The following STAT4 variants were observed in gnomAD, a reference collection of about 807,000 sequenced individuals.
The protein encoded by STAT4 is signal transducer and activator of transcription 4.
Under a neutral mutation model 110.5 loss-of-function variants are expected in STAT4, and 42 were observed. The observed-to-expected ratio is 0.38, with a 90% confidence interval of 0.30 to 0.49. STAT4 has a LOEUF of 0.49. STAT4 is among the 20% of genes least tolerant of loss of function. The probability of loss-of-function intolerance (pLI) is 0.95; values close to 1 mark genes in which losing one functional copy is unlikely to be tolerated. For synonymous variants in STAT4, 284 were observed against 302.2 expected, an observed-to-expected ratio of 0.94 and a Z score of 0.63; for missense variants, 632 against 887.9, an observed-to-expected ratio of 0.71 and a Z score of 3.66.
chr2:191,127,884 A>G (rs1203986214), intron 3 of STAT4, among the ~76,000 whole-genome samples: 6 of 152,236 alleles, frequency 3.9e-5, no homozygotes, highest in African/African-American at 9.6e-5. Flanking sequence ...AGGAAGATCA[A>G]CCTAGGATAA....
chr2:191,092,804 G>T (rs922491937), intron 3 of STAT4, among the ~76,000 whole-genome samples: 1 of 152,198 alleles, frequency 6.6e-6, no homozygotes, highest in Admixed American at 6.5e-5. Flanking sequence ...AAGGGAAGCT[G>T]TGACAGACTG....
In STAT4 at chr2:191,053,169, A is replaced by G. The variant is rs574175317; in HGVS notation, c.1251+1321T>C. Among the ~76,000 whole-genome samples the G allele has an allele frequency of 6.6e-6, 1 of 152,300 alleles. No homozygotes were observed. Among genetic ancestry groups the G allele is most frequent in the Non-Finnish European group, 1.5e-5 (1 of 68,024 alleles). On this transcript the variant is annotated intron_variant, in intron 14 of 23. Coordinates refer to ENST00000392320, the MANE Select transcript of STAT4 (RefSeq NM_003151.4). This position sits in a 1 kb window ranked among gnomAD's most constrained non-coding sequence, Gnocchi z 4.5. Reference sequence around the variant, plus strand: ...TTATAAAGTGCTTTTCCTCCAAACAATTCAAAGATCTTTTTCATGGGAGCT... The same window carrying G: ...TTATAAAGTGCTTTTCCTCCAAACAGTTCAAAGATCTTTTTCATGGGAGCT...
chr2:191,111,484 A>T (rs530310826), intron 3 of STAT4, among the ~76,000 whole-genome samples: 31 of 152,354 alleles, frequency 2.0e-4, no homozygotes, highest in Admixed American at 4.6e-4. Context: ...AACAAACAGA[A>T]ATGAACACTT....
At chr2:191,048,788 CAAAAAAAAAAAAA>C (rs60267174) in intron 14 of STAT4, among the ~76,000 whole-genome samples, 4 of 48,794 alleles carry the variant, frequency 8.2e-5, no homozygotes, top group African/African-American at 1.0e-4. Context: ...AACTCCATCT[CAAAAAAAAAAAAA>C]AAAAAAAAAA....
chr2:191,076,446 G>A, intron 3 of STAT4, 121 bp from the exon 4 acceptor site: 1 of 734,960 alleles, frequency 1.4e-6, no homozygotes, highest in Non-Finnish European at 2.2e-6. Flanking sequence ...AATTACTTGG[G>A]ATTTGTTCCA....
At chr2:191,092,516 A>G (rs1697827884) in intron 3 of STAT4, among the ~76,000 whole-genome samples, 1 of 150,088 alleles carries the variant, frequency 6.7e-6, no homozygotes, top group South Asian at 2.1e-4. Context: ...CTACAGTTAA[A>G]AAAAAAAAAA....
rs1169416228 is a variant in STAT4 at position 191,107,199 on chromosome 2, T to C, written c.274-30874A>G. On this transcript the variant is annotated intron_variant, in intron 3 of 23. Transcript: ENST00000392320. This position sits in a 1 kb window ranked among gnomAD's most constrained non-coding sequence, Gnocchi z 4.2. ...TGAGGTGTCTTGTTTTGTGAGGTCTTTGGTATGATAGTAGTCATTTTATCC... is the reference window on the plus strand; with the variant it reads ...TGAGGTGTCTTGTTTTGTGAGGTCTCTGGTATGATAGTAGTCATTTTATCC... 1.3e-5 allele frequency among the ~76,000 whole-genome samples: 2 copies of C among 152,184 alleles called. No individual in the cohort carries two copies. Among genetic ancestry groups the C allele is most frequent in the East Asian group, 3.9e-4 (2 of 5,194 alleles).
rs1327010450 is a variant in STAT4 at position 191,143,955 on chromosome 2, A to G, written c.273+2658T>C. On this transcript the variant is annotated intron_variant, in intron 3 of 23. Transcript: ENST00000392320. This position sits in a 1 kb window ranked among gnomAD's most constrained non-coding sequence, Gnocchi z 5.6. ...TTTAGGTGTAAAACCATAGCTGACA[A>G]TGATTTTTACTACTAGCTTCTGTGT... Among the ~76,000 whole-genome samples the G allele has an allele frequency of 6.6e-6, 1 of 152,236 alleles. No homozygotes were observed. Among genetic ancestry groups the G allele is most frequent in the Non-Finnish European group, 1.5e-5 (1 of 68,052 alleles).
At chr2:191,119,643 C>A (rs1234456418) in intron 3 of STAT4, among the ~76,000 whole-genome samples, 1 of 152,122 alleles carries the variant, frequency 6.6e-6, no homozygotes, top group Non-Finnish European at 1.5e-5. Flanking sequence ...ATGAAAATCC[C>A]TGCAGGTTTA....
At position 191,086,411 on chromosome 2, in the gene STAT4, C is replaced by T. The variant is rs976046364; in HGVS notation, c.274-10086G>A. Among the ~76,000 whole-genome samples, 2 of 152,066 alleles carry T rather than the reference C, an allele frequency of 1.3e-5. No homozygotes were observed. Among genetic ancestry groups the T allele is most frequent in the Admixed American group, 6.6e-5 (1 of 15,264 alleles). Reference sequence around the variant, plus strand: ...TTTTAAAAGGTCTAATTTGAGAGTCCTTATTTTTAAATAAAAGTTCCAGCA... The same window carrying T: ...TTTTAAAAGGTCTAATTTGAGAGTCTTTATTTTTAAATAAAAGTTCCAGCA... On this transcript the variant is annotated intron_variant, in intron 3 of 23. Transcript: ENST00000392320. The surrounding 1 kb of genome is among the most constrained non-coding windows in gnomAD (Gnocchi z 5.5).
chr2:191,029,760 T>TA lies in STAT4; in HGVS notation c.*79dup. On this transcript the variant is annotated 3_prime_UTR_variant, in exon 24 of 24. Transcript: ENST00000392320. This position sits in a 1 kb window ranked among gnomAD's most constrained non-coding sequence, Gnocchi z 4.5. Reference sequence around the variant, plus strand: ...CCTGGTATTTACAAAGCTGAAGAAATAAAATGTGGTTATTGGGCAAAGAAC... The same window carrying TA: ...CCTGGTATTTACAAAGCTGAAGAAATAAAAATGTGGTTATTGGGCAAAGAAC... The TA allele has an allele frequency of 7.7e-7, 1 of 1,302,900 alleles. No homozygotes were observed. The allele number at this position is 1,302,900 out of a possible 1,614,324, so 80.7% of individuals were successfully genotyped here.
rs1698086208 is a variant in STAT4 at position 191,099,103 on chromosome 2, G to C, written c.274-22778C>G. On this transcript the variant is annotated intron_variant, in intron 3 of 23. Transcript: ENST00000392320. The surrounding 1 kb of genome is among the most constrained non-coding windows in gnomAD (Gnocchi z 4.1). ...ACATCCAAATGACCAATAAATGTGGGAAAGGATGCCCCATCTCCCAAATAG... is the reference window on the plus strand; with the variant it reads ...ACATCCAAATGACCAATAAATGTGGCAAAGGATGCCCCATCTCCCAAATAG... Among the ~76,000 whole-genome samples the C allele has an allele frequency of 6.6e-6, 1 of 151,950 alleles. No homozygotes were observed. The highest frequency in any genetic ancestry group is 1.5e-5 in the Non-Finnish European group (1 of 67,980).
chr2:191,039,249 T>G lies in STAT4; in HGVS notation c.1384A>C (p.Asn462His). 1 of 1,614,200 alleles carries G rather than the reference T, an allele frequency of 6.2e-7. No individual in the cohort carries two copies. The highest frequency in any genetic ancestry group is 1.1e-5 in the South Asian group (1 of 91,078). Residue 462 changes from asparagine (N) to histidine (H), a missense_variant, in exon 16 of 24, where the codon AAT becomes CAT. Transcript: ENST00000392320. This position sits in a 1 kb window ranked among gnomAD's most constrained non-coding sequence, Gnocchi z 4.7. ...TACCAAATGATGGATGCCCAAGCATTAGGTAACTGACTGACATTGGAAATC... is the reference window on the plus strand; with the variant it reads ...TACCAAATGATGGATGCCCAAGCATGAGGTAACTGACTGACATTGGAAATC... ...VMISNVSQLP[N>H]AWASIIWYNV... is the part of the protein sequence containing the mutation.
At chr2:191,132,741 C>A (rs374734647) in intron 3 of STAT4, among the ~76,000 whole-genome samples, 14 of 149,708 alleles carry the variant, frequency 9.4e-5, no homozygotes, top group African/African-American at 2.7e-4. Context: ...ATCTCATCAT[C>A]TCTTAATGGT....
intron 3 of STAT4, among the ~76,000 whole-genome samples, chr2:191,087,537 T>C (rs1574142761): frequency 6.6e-6 from 1 of 152,062 alleles, no homozygotes; most frequent in East Asian, 1.9e-4. Context: ...CAGGACAGAG[T>C]AAGAGTCTGA....
Position 191,042,867 on chromosome 2 carries a change from C to T in STAT4, c.1252-1719G>A, listed in dbSNP as rs1467348467. ...CAATCTCGGCTCACTGCAACCTCCG[C>T]CTCCTGGGTCCAAGTGATTCTCCTG... On this transcript the variant is annotated intron_variant, in intron 14 of 23. Coordinates refer to ENST00000392320, the MANE Select transcript of STAT4 (RefSeq NM_003151.4). The surrounding 1 kb of genome is among the most constrained non-coding windows in gnomAD (Gnocchi z 4.2). Among the ~76,000 whole-genome samples the T allele has an allele frequency of 6.6e-6, 1 of 152,050 alleles. No individual in the cohort carries two copies.
chr2:191,108,670 C>A (rs1041293863), intron 3 of STAT4, among the ~76,000 whole-genome samples: 1 of 152,186 alleles, frequency 6.6e-6, no homozygotes, highest in African/African-American at 2.4e-5. Flanking sequence ...TTTTGGTCAA[C>A]ATCAGCAAAA....
chr2:191,059,697 A>G lies in STAT4; in HGVS notation c.1035-928T>C, dbSNP rs962144932. Among the ~76,000 whole-genome samples, 2 of 152,230 alleles carry G rather than the reference A, an allele frequency of 1.3e-5. No individual in the cohort carries two copies. The highest frequency in any genetic ancestry group is 2.9e-5 in the Non-Finnish European group (2 of 68,038). Reference sequence around the variant, plus strand: ...ATATGGCGATAAGCAGCTCACTGGCATTAGAGAAATGAAATCATAGCTCAT... The same window carrying G: ...ATATGGCGATAAGCAGCTCACTGGCGTTAGAGAAATGAAATCATAGCTCAT... On this transcript the variant is annotated intron_variant, in intron 10 of 23. Transcript: ENST00000392320. The surrounding 1 kb of genome is among the most constrained non-coding windows in gnomAD (Gnocchi z 4.7).
chr2:191,136,753 T>A (rs1699189246), intron 3 of STAT4, among the ~76,000 whole-genome samples: 1 of 152,052 alleles, frequency 6.6e-6, no homozygotes, highest in Non-Finnish European at 1.5e-5. Flanking sequence ...AGACTCTGTA[T>A]CAAAAAAGAA....
Sources: gnomAD v4.1 joint callset for allele counts (sites outside exome capture counted in the v4.1 genomes callset) on GRCh38, gnomAD v4.1.1 for gene constraint, Gnocchi (gnomAD v3.1) non-coding constraint, MANE v1.5 for transcripts, NCBI Gene and HGNC (gene_info 2026-07-23, HGNC 2026-07-21) for gene names.